The following ARHGAP44 variants were observed in gnomAD, a reference collection of about 807,000 sequenced individuals.
The protein encoded by ARHGAP44 is Rho GTPase activating protein 44, also known as rho GTPase-activating protein 44.
ARHGAP44 carries 43 observed loss-of-function variants against 106.8 expected under a neutral mutation model. That is an observed-to-expected ratio of 0.40 (90% confidence interval 0.32 to 0.52). ARHGAP44 has a LOEUF of 0.52. Ranked by LOEUF, ARHGAP44 falls within the 20% of genes least tolerant of loss-of-function variation. The pLI is 0.48. For synonymous variants in ARHGAP44, 439 were observed against 410.3 expected, an observed-to-expected ratio of 1.07 and a Z score of -0.85; for missense variants, 866 against 1,050.5, an observed-to-expected ratio of 0.82 and a Z score of 2.43.
intron 1 of ARHGAP44, among the ~76,000 whole-genome samples, chr17:12,883,524 G>A (rs887788780): frequency 1.3e-5 from 2 of 151,014 alleles, no homozygotes; most frequent in Non-Finnish European, 3.0e-5. Context: ...ATATCATTTT[G>A]CTACCGAACA....
At chr17:12,809,811 A>G (rs766129731) in intron 1 of ARHGAP44, among the ~76,000 whole-genome samples, 1 of 152,172 alleles carries the variant, frequency 6.6e-6, no homozygotes, top group Non-Finnish European at 1.5e-5. Context: ...GGTTTCAGAG[A>G]TAAAGGCCAT....
rs537352950 is a variant in ARHGAP44 at position 12,974,229 on chromosome 17, C to G, written c.1682C>G (p.Pro561Arg). The change falls in exon 18 of 21, where the codon CCG becomes CGG. Residue 561 changes from proline to arginine, a missense_variant. Pro to Arg is a moderately radical substitution (Grantham distance 103, BLOSUM62 -2). Around this residue, in one of 2 missense-constraint regions of ARHGAP44, gnomAD observed 418 missense variants for 403.6 expected, o/e 1.04. Coordinates refer to ENST00000379672, the MANE Select transcript of ARHGAP44 (RefSeq NM_014859.6). The stretch of plus-strand genomic sequence containing the variant: ...GCTGCGCCCCTGCCTTCGCCGCTGC[C>G]GGAGCAGCCCCTGGACAGCCCCGCG... The part of the protein sequence containing the change: ...ELAAPLPSPL[P>R]EQPLDSPAAP... 3.2e-6 allele frequency: 5 copies of G among 1,545,858 alleles called. No individual in the cohort carries two copies. The East Asian group carries it at 1.2e-4, about 38-fold the overall frequency.
chr17:12,956,339 G>T (rs1224938742), intron 14 of ARHGAP44, among the ~76,000 whole-genome samples: 1 of 152,148 alleles, frequency 6.6e-6, no homozygotes, highest in Non-Finnish European at 1.5e-5. Context: ...GGGATAGAAG[G>T]CTGTCTCCAG....
chr17:12,877,550 A>T (rs1407915006), intron 1 of ARHGAP44, among the ~76,000 whole-genome samples: 1 of 152,204 alleles, frequency 6.6e-6, no homozygotes. Flanking sequence ...ATGACCAAAG[A>T]TAATCCTGGC....
At chr17:12,887,453 C>T (rs1236318609) in intron 1 of ARHGAP44, among the ~76,000 whole-genome samples, 1 of 152,124 alleles carries the variant, frequency 6.6e-6, no homozygotes, top group Non-Finnish European at 1.5e-5. Context: ...GTTGTCCAGG[C>T]TGGTCTCAAA....
chr17:12,861,721 G>A (rs1597959174), intron 1 of ARHGAP44, among the ~76,000 whole-genome samples: 2 of 135,686 alleles, frequency 1.5e-5, no homozygotes, highest in South Asian at 2.4e-4. Flanking sequence ...TGCAACCTCC[G>A]CCTCCTGGGT....
At chr17:12,944,224 C>A in intron 10 of ARHGAP44, 28 bp downstream of exon 10, 1 of 1,568,340 alleles carries the variant, frequency 6.4e-7, no homozygotes, top group Non-Finnish European at 8.7e-7. Flanking sequence ...CACACGCCGC[C>A]CCGGGCAGGT....
At chr17:12,867,572 C>T (rs1201051134) in intron 1 of ARHGAP44, among the ~76,000 whole-genome samples, 4 of 152,266 alleles carry the variant, frequency 2.6e-5, no homozygotes, top group Admixed American at 1.3e-4. Context: ...TATTTACAAG[C>T]TACTTTCTGT....
rs1168525005 is a variant in ARHGAP44 at position 12,827,462 on chromosome 17, C to A, written c.53+37571C>A. Among the ~76,000 whole-genome samples, 12 of 151,784 alleles carry A rather than the reference C, an allele frequency of 7.9e-5. No homozygotes were observed. In the East Asian group the frequency reaches 2.3e-3, roughly 29 times the overall value. ...AAAATAAAATATTAGCTAAACAAAC[C>A]CAACTTTATATTTTTAAAATATATC... On this transcript the variant is annotated intron_variant, in intron 1 of 20. Transcript: ENST00000379672.
Position 12,943,896 on chromosome 17 carries a change from C to A in ARHGAP44, c.734-173C>A, listed in dbSNP as rs560824230. On this transcript the variant is annotated intron_variant, in intron 9 of 20. Coordinates refer to ENST00000379672, the MANE Select transcript of ARHGAP44 (RefSeq NM_014859.6). ...CCTGGACGCAATTGGCTGGCCATCC[C>A]CCACCCCCTCCTCCAGTCCTCCTGT... Among the ~76,000 whole-genome samples, 99 of 152,124 alleles carry A rather than the reference C, an allele frequency of 6.5e-4. 1 individual carries two copies. Among genetic ancestry groups the A allele is most frequent in the African/African-American group, 2.1e-3 (87 of 41,482 alleles).
At chr17:12,978,036 CAAAAAA>C (rs1157325814) in intron 18 of ARHGAP44, among the ~76,000 whole-genome samples, 2 of 89,300 alleles carry the variant, frequency 2.2e-5, no homozygotes, top group Non-Finnish European at 3.9e-5. Context: ...GACTCCATCT[CAAAAAA>C]AAAAAAAAAA....
At chr17:12,840,667 T>G (rs540782959) in intron 1 of ARHGAP44, among the ~76,000 whole-genome samples, 2 of 152,314 alleles carry the variant, frequency 1.3e-5, no homozygotes, top group East Asian at 3.9e-4. Context: ...GGGGAGCAGC[T>G]TAGGGCTCCC....
intron 1 of ARHGAP44, among the ~76,000 whole-genome samples, chr17:12,826,000 A>T (rs2034909098): frequency 6.6e-6 from 1 of 152,172 alleles, no homozygotes; most frequent in Non-Finnish European, 1.5e-5. Context: ...TGTTCGTTCT[A>T]AAATATTTTG....
intron 5 of ARHGAP44, 114 bp from the exon 6 acceptor site, chr17:12,919,641 C>T: frequency 1.2e-6 from 1 of 804,882 alleles, no homozygotes; most frequent in South Asian, 1.9e-5. Context: ...CTGCCTTGGC[C>T]TCCCAAAGTG....
chr17:12,893,621 C>T (rs2037112199), intron 1 of ARHGAP44, among the ~76,000 whole-genome samples: 2 of 152,162 alleles, frequency 1.3e-5, no homozygotes, highest in African/African-American at 4.8e-5. Context: ...GGGGTACGGG[C>T]TTGGGTGGTT....
chr17:12,797,043 A>G (rs2033945562), intron 1 of ARHGAP44, among the ~76,000 whole-genome samples: 1 of 152,134 alleles, frequency 6.6e-6, no homozygotes, highest in African/African-American at 2.4e-5. Context: ...TAATATATTA[A>G]GCATATGTAT....
chr17:12,806,845 C>A (rs1480107560), intron 1 of ARHGAP44, among the ~76,000 whole-genome samples: 4 of 141,768 alleles, frequency 2.8e-5, no homozygotes, highest in African/African-American at 9.1e-5. Flanking sequence ...ATGAATTGGG[C>A]AGCACCAGAC....
At chr17:12,948,961 A>G (rs2038929058) in intron 10 of ARHGAP44, among the ~76,000 whole-genome samples, 179 bp from the exon 11 acceptor site, 1 of 152,192 alleles carries the variant, frequency 6.6e-6, no homozygotes, top group Non-Finnish European at 1.5e-5. Flanking sequence ...CCTGCTCTGA[A>G]GTTGCTTATG....
At chr17:12,942,764 G>A (rs2038743663) in intron 8 of ARHGAP44, among the ~76,000 whole-genome samples, 1 of 152,194 alleles carries the variant, frequency 6.6e-6, no homozygotes, top group Admixed American at 6.5e-5. Context: ...GGGATAGGAG[G>A]AGTCAGTAAA....
Sources: allele counts gnomAD v4.1 joint callset (sites outside exome capture counted in the v4.1 genomes callset), GRCh38; gene constraint gnomAD v4.1.1; regional missense constraint gnomAD v4.1.1; transcripts MANE v1.5; gene names NCBI Gene and HGNC (gene_info 2026-07-23, HGNC 2026-07-21).